The following CTNNA3 variants were observed in gnomAD, a reference collection of about 807,000 sequenced individuals.
CTNNA3 encodes the protein catenin alpha-3.
In CTNNA3, 76 loss-of-function variants were observed where a neutral mutation model predicts 95.7. That is an observed-to-expected ratio of 0.79 (90% confidence interval 0.66 to 0.96). The LOEUF is 0.96. Ranked by LOEUF, CTNNA3 falls within the 40% of genes least tolerant of loss-of-function variation. The pLI is 0.00. For missense variants in CTNNA3, 1,191 were observed against 1,089.8 expected (o/e 1.09, Z -1.31); for synonymous variants, 431 against 374.4 (o/e 1.15, Z -1.74).
intron 5 of CTNNA3, among the ~76,000 whole-genome samples, chr10:67,404,404 C>T (rs1211151215): frequency 2.6e-5 from 4 of 151,520 alleles, no homozygotes; most frequent in African/African-American, 7.3e-5. Flanking sequence ...AAGAACTTCA[C>T]GATGCAATCA....
chr10:67,171,836 T>C (rs981456797), intron 7 of CTNNA3, among the ~76,000 whole-genome samples: 2 of 152,198 alleles, frequency 1.3e-5, no homozygotes, highest in Non-Finnish European at 2.9e-5. Flanking sequence ...ACAGCCAAGA[T>C]GATATGAGGG....
intron 13 of CTNNA3, among the ~76,000 whole-genome samples, chr10:66,210,126 C>A (rs1486053734): frequency 1.3e-5 from 2 of 151,588 alleles, no homozygotes; most frequent in African/African-American, 4.9e-5. Flanking sequence ...TTTAAAATAA[C>A]AATATTGCAC....
At chr10:65,930,217 A>C (rs974190344) in intron 17 of CTNNA3, among the ~76,000 whole-genome samples, 3 of 151,104 alleles carry the variant, frequency 2.0e-5, no homozygotes, top group Non-Finnish European at 3.0e-5. Flanking sequence ...AAAAAAAAAA[A>C]AAAAAAAAAC....
At chr10:67,160,613 T>G (rs535584072) in intron 7 of CTNNA3, among the ~76,000 whole-genome samples, 15 of 152,088 alleles carry the variant, frequency 9.9e-5, no homozygotes, top group Admixed American at 9.8e-4. Context: ...ATTTTTATAT[T>G]TTTTGTAGAA....
chr10:66,838,333 TA>T (rs1278118721), intron 7 of CTNNA3, among the ~76,000 whole-genome samples: 38 of 152,158 alleles, frequency 2.5e-4, no homozygotes, highest in African/African-American at 8.9e-4. Context: ...TTTGCTTCAG[TA>T]ATTATGTGTT....
At position 66,728,427 on chromosome 10, in the gene CTNNA3, C is replaced by T. The variant is rs143190239; in HGVS notation, c.1281+37837G>A. Among the ~76,000 whole-genome samples the T allele has an allele frequency of 1.7e-3, 258 of 152,148 alleles. 1 individual carries two copies. Among genetic ancestry groups the T allele is most frequent in the African/African-American group, 6.0e-3 (249 of 41,520 alleles). On this transcript the variant is annotated intron_variant, in intron 9 of 17. Transcript: ENST00000433211. ...TTTATTTTGCTGTGTAGAAGCTCTT[C>T]GGTTTACTTAGATCTCATTTGTCAA...
rs552695939 is a variant in CTNNA3 at position 67,043,310 on chromosome 10, A to G, written c.1047+137007T>C. The stretch of plus-strand genomic sequence containing the variant: ...ATCATTCATATATTCTCTGATCACT[A>G]GAGATTTATTCTCCTATGTTCTCTA... On this transcript the variant is annotated intron_variant, in intron 7 of 17. Transcript: ENST00000433211. Among the ~76,000 whole-genome samples the G allele has an allele frequency of 1.0e-3, 155 of 152,174 alleles. 3 individuals are homozygous for G. In the South Asian group the frequency reaches 0.028, roughly 27 times the overall value.
At chr10:66,940,492 T>A (rs1029459597) in intron 7 of CTNNA3, among the ~76,000 whole-genome samples, 1 of 152,114 alleles carries the variant, frequency 6.6e-6, no homozygotes. Flanking sequence ...TATATGTATA[T>A]TTTGCATAGA....
At chr10:66,374,606 C>CTTTTTT (rs58880058) in intron 12 of CTNNA3, among the ~76,000 whole-genome samples, 6 of 88,134 alleles carry the variant, frequency 6.8e-5, no homozygotes, top group African/African-American at 1.1e-4. Context: ...AAAGAAAAGC[C>CTTTTTT]TTTTTTTTTT....
chr10:66,719,056 C>A (rs1275553208), intron 9 of CTNNA3, among the ~76,000 whole-genome samples: 2 of 152,158 alleles, frequency 1.3e-5, no homozygotes, highest in Admixed American at 1.3e-4. Context: ...TCAAATCACT[C>A]AATGTTCTCC....
chr10:65,953,138 T>C (rs1002779733), intron 17 of CTNNA3, among the ~76,000 whole-genome samples: 1 of 152,214 alleles, frequency 6.6e-6, no homozygotes, highest in African/African-American at 2.4e-5. Context: ...AAGTCTCCTT[T>C]TACAAAATAC....
At chr10:66,953,726 A>T (rs1471233473) in intron 7 of CTNNA3, among the ~76,000 whole-genome samples, 1 of 152,174 alleles carries the variant, frequency 6.6e-6, no homozygotes, top group Non-Finnish European at 1.5e-5. Context: ...TGCTTCTGAT[A>T]TGTTTTATGA....
At chr10:66,839,468 C>A (rs140127128) in intron 7 of CTNNA3, among the ~76,000 whole-genome samples, 1 of 152,042 alleles carries the variant, frequency 6.6e-6, no homozygotes. Context: ...ACCATGCAAC[C>A]TAGTGAAATA....
chr10:66,516,611 C>T (rs887169224), intron 11 of CTNNA3, among the ~76,000 whole-genome samples: 3 of 152,122 alleles, frequency 2.0e-5, no homozygotes, highest in Admixed American at 6.5e-5. Flanking sequence ...ACAAATGCTA[C>T]AAATTAGGAC....
intron 15 of CTNNA3, among the ~76,000 whole-genome samples, chr10:66,056,811 G>T (rs1225442934): frequency 6.6e-6 from 1 of 152,140 alleles, no homozygotes; most frequent in Non-Finnish European, 1.5e-5. Flanking sequence ...TGTTGGCAGA[G>T]AGATTAAATG....
At chr10:67,478,614 A>G (rs1477799688) in intron 5 of CTNNA3, among the ~76,000 whole-genome samples, 1 of 152,188 alleles carries the variant, frequency 6.6e-6, no homozygotes, top group African/African-American at 2.4e-5. Context: ...GGAGCCTAAC[A>G]AGAGATCCTT....
intron 15 of CTNNA3, among the ~76,000 whole-genome samples, chr10:66,016,064 C>G (rs1378028425): frequency 2.0e-5 from 3 of 152,146 alleles, no homozygotes; most frequent in Non-Finnish European, 4.4e-5. Flanking sequence ...ATGTCTCTCC[C>G]TAGATCTTGA....
At chr10:67,030,899 G>T (rs1299188619) in intron 7 of CTNNA3, among the ~76,000 whole-genome samples, 1 of 152,166 alleles carries the variant, frequency 6.6e-6, no homozygotes, top group Non-Finnish European at 1.5e-5. Context: ...AGCTACTCAG[G>T]TGGTTGAGGA....
At chr10:67,702,444 A>G (rs1200444972) in intron 1 of CTNNA3, among the ~76,000 whole-genome samples, 1 of 152,256 alleles carries the variant, frequency 6.6e-6, no homozygotes, top group Non-Finnish European at 1.5e-5. Flanking sequence ...CCACAGTGCA[A>G]TCAAACTACA....
Sources: allele counts gnomAD v4.1 joint callset (sites outside exome capture counted in the v4.1 genomes callset), GRCh38; gene constraint gnomAD v4.1.1; transcripts MANE v1.5; gene names NCBI Gene and HGNC (gene_info 2026-07-23, HGNC 2026-07-21).